LOC400499: variants seen among roughly 807,000 people sequenced by gnomAD.
chr16:11,465,849 G>A, the LOC400499 span, among the ~76,000 whole-genome samples: 1 of 151,318 alleles, frequency 6.6e-6, no homozygotes, highest in African/African-American at 2.4e-5. Flanking sequence ...GACGTGGGAA[G>A]AGGAAAAGAG....
chr16:11,382,836 T>A, the LOC400499 span, among the ~76,000 whole-genome samples: 2 of 152,164 alleles, frequency 1.3e-5, no homozygotes, highest in Admixed American at 6.5e-5. Context: ...TGGCAAATTT[T>A]CAAGAGGCAA....
At chr16:11,464,843 G>A in the LOC400499 span, among the ~76,000 whole-genome samples, 1 of 152,198 alleles carries the variant, frequency 6.6e-6, no homozygotes, top group East Asian at 1.9e-4. Flanking sequence ...GAGGCAATCC[G>A]TGCTTGCACA....
At chr16:11,461,707 C>A in the LOC400499 span, among the ~76,000 whole-genome samples, 1 of 152,134 alleles carries the variant, frequency 6.6e-6, no homozygotes, top group Non-Finnish European at 1.5e-5. Flanking sequence ...GGGTCCACAG[C>A]CACTGCTCCA....
At chr16:11,385,303 A>C in the LOC400499 span, 3 of 1,232,310 alleles carry the variant, frequency 2.4e-6, no homozygotes, top group Non-Finnish European at 3.0e-6. Flanking sequence ...GTCAGCGAGA[A>C]TGTGTTGTGA....
At chr16:11,386,775 G>A in the LOC400499 span, among the ~76,000 whole-genome samples, 4 of 152,342 alleles carry the variant, frequency 2.6e-5, no homozygotes, top group East Asian at 5.8e-4. Flanking sequence ...AAGCTCCCCA[G>A]CCCTTGGCTA....
chr16:11,405,486 G>C, the LOC400499 span, among the ~76,000 whole-genome samples: 1 of 152,200 alleles, frequency 6.6e-6, no homozygotes, highest in East Asian at 1.9e-4. Context: ...ACGCAGAGAA[G>C]CAAGCTTGGG....
the LOC400499 span, chr16:11,493,503 G>A: frequency 1.3e-5 from 5 of 388,628 alleles, no homozygotes; most frequent in South Asian, 1.4e-4. Flanking sequence ...CTGGATACCT[G>A]TTCACACTAG....
chr16:11,480,099 G>A, the LOC400499 span, among the ~76,000 whole-genome samples: 4 of 152,142 alleles, frequency 2.6e-5, no homozygotes, highest in African/African-American at 7.2e-5. Flanking sequence ...CTGGGCCATG[G>A]GCTTCCTCTG....
At chr16:11,456,276 C>G in the LOC400499 span, among the ~76,000 whole-genome samples, 4 of 152,144 alleles carry the variant, frequency 2.6e-5, no homozygotes, top group African/African-American at 9.7e-5. Context: ...AACTCCTGAC[C>G]TCAAGTAATC....
the LOC400499 span, chr16:11,461,155 G>A: frequency 6.6e-7 from 1 of 1,510,194 alleles, no homozygotes; most frequent in Non-Finnish European, 8.8e-7. Context: ...GAGAGGGTCA[G>A]CCCCCAGGGA....
chr16:11,459,847 T>A, the LOC400499 span: 1 of 1,271,298 alleles, frequency 7.9e-7, no homozygotes, highest in African/African-American at 1.5e-5. Context: ...GCTCCTACCG[T>A]CCATGCTGGA....
the LOC400499 span, among the ~76,000 whole-genome samples, chr16:11,451,720 C>T: frequency 2.0e-5 from 3 of 152,192 alleles, no homozygotes; most frequent in Non-Finnish European, 2.9e-5. Context: ...AAATGACAGA[C>T]AAGGGGGAGT....
the LOC400499 span, among the ~76,000 whole-genome samples, chr16:11,378,420 C>A: frequency 6.6e-6 from 1 of 151,982 alleles, no homozygotes; most frequent in South Asian, 2.1e-4. Flanking sequence ...CCTGCCACCA[C>A]GCCTGGCTAA....
At chr16:11,448,604 A>G in the LOC400499 span, among the ~76,000 whole-genome samples, 1 of 152,206 alleles carries the variant, frequency 6.6e-6, no homozygotes, top group Non-Finnish European at 1.5e-5. Flanking sequence ...GCATGTGCCT[A>G]TAGTTCTAAC....
the LOC400499 span, chr16:11,392,288 T>A: frequency 2.5e-6 from 1 of 398,248 alleles, no homozygotes; most frequent in African/African-American, 2.1e-5. Context: ...GGTAACCCCT[T>A]CCCTGTGTCC....
chr16:11,463,022 A>G, the LOC400499 span, among the ~76,000 whole-genome samples: 1 of 152,138 alleles, frequency 6.6e-6, no homozygotes, highest in African/African-American at 2.4e-5. Flanking sequence ...ACGTCGAATG[A>G]TGGCACACTA....
the LOC400499 span, chr16:11,401,238 C>A: frequency 1.8e-5 from 7 of 399,054 alleles, no homozygotes; most frequent in Non-Finnish European, 3.1e-5. Context: ...CAGCCCCGGC[C>A]AAGGGCGCCT....
chr16:11,526,339 C>T, the LOC400499 span, among the ~76,000 whole-genome samples: 1 of 152,196 alleles, frequency 6.6e-6, no homozygotes. Context: ...GGGAGGATCA[C>T]TTGAGTTTGA....
At chr16:11,442,990 G>A in the LOC400499 span, among the ~76,000 whole-genome samples, 1 of 152,286 alleles carries the variant, frequency 6.6e-6, no homozygotes, top group South Asian at 2.1e-4. Context: ...CTCAACAGCT[G>A]CCTGGTTCAC....
Sources: allele counts gnomAD v4.1 joint callset (sites outside exome capture counted in the v4.1 genomes callset), GRCh38; gene constraint gnomAD v4.1.1; transcripts MANE v1.5.